The following ANXA10 variants were observed in gnomAD, a reference collection of about 807,000 sequenced individuals.
The protein encoded by ANXA10 is annexin 14.
ANXA10 carries 49 observed loss-of-function variants against 53.5 expected under a neutral mutation model. The observed-to-expected ratio is 0.92, with a 90% CI of 0.73 to 1.16. ANXA10 has a LOEUF of 1.16. Among genes scored for constraint, ANXA10 ranks in the 50% most tolerant of loss-of-function variants. The probability of loss-of-function intolerance (pLI) is 0.00; values close to 1 mark genes in which losing one functional copy is unlikely to be tolerated. For synonymous variants in ANXA10, 131 were observed against 128.9 expected, an observed-to-expected ratio of 1.02 and a Z score of -0.11; for missense variants, 393 against 394.4, an observed-to-expected ratio of 1.00 and a Z score of 0.03.
At chr4:168,182,317 A>ATTTT (rs1272291110) in intron 10 of ANXA10, among the ~76,000 whole-genome samples, 2 of 42,318 alleles carry the variant, frequency 4.7e-5, no homozygotes, top group Admixed American at 2.6e-4. Flanking sequence ...TTGGAGCATT[A>ATTTT]ATTTTTTTTT....
intron 3 of ANXA10, among the ~76,000 whole-genome samples, chr4:168,153,671 C>T (rs1366537145): frequency 6.6e-6 from 1 of 151,942 alleles, no homozygotes; most frequent in Non-Finnish European, 1.5e-5. Flanking sequence ...TATTGAATGC[C>T]TATAATATGC....
At chr4:168,162,726 A>C in intron 4 of ANXA10, 85 bp downstream of exon 4, 1 of 957,154 alleles carries the variant, frequency 1.0e-6, no homozygotes, top group Non-Finnish European at 1.7e-6. Flanking sequence ...ATGCTCCTAC[A>C]TACTTATATG....
intron 10 of ANXA10, among the ~76,000 whole-genome samples, chr4:168,182,555 G>C (rs1732274234): frequency 6.7e-6 from 1 of 148,374 alleles, no homozygotes; most frequent in South Asian, 2.1e-4. Flanking sequence ...GGATGGTCTC[G>C]ATTTCCTGAC....
intron 3 of ANXA10, among the ~76,000 whole-genome samples, chr4:168,157,146 A>G (rs758748800): frequency 3.9e-5 from 6 of 152,238 alleles, no homozygotes; most frequent in Non-Finnish European, 7.3e-5. Flanking sequence ...TACATTATAG[A>G]TGCCAAAATA....
At chr4:168,132,947 A>G in intron 2 of ANXA10, among the ~76,000 whole-genome samples, 1 of 152,116 alleles carries the variant, frequency 6.6e-6, no homozygotes, top group East Asian at 1.9e-4. Context: ...CAATATGCAC[A>G]GATATTTCGT....
chr4:168,122,272 A>C (rs1455788676), intron 1 of ANXA10, among the ~76,000 whole-genome samples: 1 of 152,198 alleles, frequency 6.6e-6, no homozygotes. Context: ...ATCTCATTAG[A>C]AATATAAGGG....
intron 11 of ANXA10, among the ~76,000 whole-genome samples, chr4:168,186,553 A>T (rs1443244364): frequency 6.6e-6 from 1 of 152,152 alleles, no homozygotes; most frequent in Non-Finnish European, 1.5e-5. Context: ...TTAGAATGAG[A>T]AGAAGGCTGT....
intron 5 of ANXA10, among the ~76,000 whole-genome samples, chr4:168,164,639 G>A (rs1018959180): frequency 1.3e-5 from 2 of 152,116 alleles, no homozygotes; most frequent in Admixed American, 1.3e-4. Context: ...TACAATAATG[G>A]CTCAGTGAAT....
At position 168,155,885 on chromosome 4, in the gene ANXA10, TATATA is replaced by T. The variant is rs1197773823; in HGVS notation, c.196-6637_196-6633del. On this transcript the variant is annotated intron_variant, in intron 3 of 11. Transcript: ENST00000359299. ...ATGATATATCATATATTATATGTTA[TATATA>T]ATATATGATATATCATATATTATAT... is the stretch of plus-strand genomic sequence containing the variant. Among the ~76,000 whole-genome samples, 2 of 15,058 alleles carry T rather than the reference TATATA, an allele frequency of 1.3e-4. 1 individual carries two copies. Among genetic ancestry groups the T allele is most frequent in the East Asian group, 1.8e-3 (2 of 1,132 alleles). The allele number at this position is 15,058 out of a possible 152,430, so 9.9% of individuals were successfully genotyped here.
chr4:168,101,053 TG>T (rs1375293808), intron 1 of ANXA10, among the ~76,000 whole-genome samples: 3 of 151,912 alleles, frequency 2.0e-5, no homozygotes, highest in African/African-American at 7.3e-5. Flanking sequence ...GTATTGAAGG[TG>T]GGGCCTGGTG....
rs78905577 is a variant in ANXA10 at position 168,139,206 on chromosome 4, G to C, written c.101-280G>C. On this transcript the variant is annotated intron_variant, in intron 2 of 11. Coordinates refer to ENST00000359299, the MANE Select transcript of ANXA10 (RefSeq NM_007193.5). ...TCAGGGGGAAAGTTTTCCCTGTTCAGTATGATGTTGGTTGTGAGTTTGTCA... is the reference window on the plus strand; with the variant it reads ...TCAGGGGGAAAGTTTTCCCTGTTCACTATGATGTTGGTTGTGAGTTTGTCA... Among the ~76,000 whole-genome samples the C allele has an allele frequency of 7.1e-3, 1,076 of 152,254 alleles. 8 individuals are homozygous for C. The highest frequency in any genetic ancestry group is 0.025 in the African/African-American group (1,021 of 41,550).
chr4:168,182,073 C>A (rs896992102), intron 10 of ANXA10, among the ~76,000 whole-genome samples: 1 of 151,996 alleles, frequency 6.6e-6, no homozygotes, highest in Non-Finnish European at 1.5e-5. Context: ...TATGCAAGTA[C>A]AAAACATATG....
chr4:168,168,032 T>G (rs1180789844), intron 6 of ANXA10, among the ~76,000 whole-genome samples: 1 of 152,190 alleles, frequency 6.6e-6, no homozygotes, highest in African/African-American at 2.4e-5. Context: ...AGCAAGTTAT[T>G]TACTGAGCTT....
intron 1 of ANXA10, among the ~76,000 whole-genome samples, chr4:168,101,312 T>A (rs943557773): frequency 6.6e-6 from 1 of 151,920 alleles, no homozygotes; most frequent in Non-Finnish European, 1.5e-5. Flanking sequence ...ATGCTTCCTG[T>A]TCCTGTGGAA....
chr4:168,151,543 T>A (rs1018598020), intron 3 of ANXA10, among the ~76,000 whole-genome samples: 2 of 152,236 alleles, frequency 1.3e-5, no homozygotes, highest in Admixed American at 1.3e-4. Context: ...CAGCAGAGTC[T>A]GCTTTAGGGC....
chr4:168,152,019 T>C (rs1023576476), intron 3 of ANXA10, among the ~76,000 whole-genome samples: 1 of 152,210 alleles, frequency 6.6e-6, no homozygotes, highest in Admixed American at 6.5e-5. Context: ...GTGACGACTA[T>C]GTAACAGGCA....
At chr4:168,147,246 A>G (rs1217147380) in intron 3 of ANXA10, among the ~76,000 whole-genome samples, 9 of 152,258 alleles carry the variant, frequency 5.9e-5, no homozygotes. Flanking sequence ...TTACCCTAAT[A>G]TGGGAATATC....
intron 1 of ANXA10, among the ~76,000 whole-genome samples, chr4:168,123,678 C>T (rs1731025239): frequency 6.6e-6 from 1 of 152,138 alleles, no homozygotes; most frequent in African/African-American, 2.4e-5. Flanking sequence ...ACAGGATTCA[C>T]AGGTGCCGAA....
intron 3 of ANXA10, among the ~76,000 whole-genome samples, chr4:168,158,357 G>T (rs770496039): frequency 1.3e-5 from 2 of 152,160 alleles, no homozygotes; most frequent in Non-Finnish European, 2.9e-5. Flanking sequence ...TCAAATATGT[G>T]AAGTGACAAC....
Sources: allele counts gnomAD v4.1 joint callset (sites outside exome capture counted in the v4.1 genomes callset), GRCh38; gene constraint gnomAD v4.1.1; transcripts MANE v1.5; gene names NCBI Gene and HGNC (gene_info 2026-07-23, HGNC 2026-07-21).